FRMD4B: variants seen among roughly 807,000 people sequenced by gnomAD.
The protein encoded by FRMD4B is FERM domain containing 4B, also known as FERM domain-containing protein 4B.
In FRMD4B, 74 loss-of-function variants were observed where a neutral mutation model predicts 141.5. That is an observed-to-expected ratio of 0.52 (90% CI 0.43 to 0.63). The LOEUF is 0.63. Ranked by LOEUF, FRMD4B falls within the 30% of genes least tolerant of loss-of-function variation. The probability of loss-of-function intolerance (pLI) is 0.00; values close to 1 mark genes in which losing one functional copy is unlikely to be tolerated. For synonymous variants in FRMD4B, 506 were observed against 467.9 expected (o/e 1.08, Z -1.05); for missense variants, 1,366 against 1,253.4 (o/e 1.09, Z -1.36).
chr3:69,322,849 C>T (rs555408325), intron 1 of FRMD4B: 117 of 161,302 alleles, frequency 7.3e-4, no homozygotes, highest in Non-Finnish European at 1.1e-3. Flanking sequence ...TTTTTTCCCA[C>T]GTTGGCCTCT....
intron 12 of FRMD4B, 50 bp from the exon 13 acceptor site, chr3:69,197,088 A>T (rs201085646): frequency 2.0e-6 from 3 of 1,500,826 alleles, no homozygotes; most frequent in African/African-American, 1.4e-5. Context: ...GCCCAGCATG[A>T]TGCAAAATGT....
At chr3:69,338,713 A>C (rs1702637485) in intron 1 of FRMD4B, among the ~76,000 whole-genome samples, 1 of 152,176 alleles carries the variant, frequency 6.6e-6, no homozygotes, top group South Asian at 2.1e-4. Flanking sequence ...GGTGAGGATC[A>C]AAAATCTACC....
chr3:69,278,019 C>A (rs897178499), intron 5 of FRMD4B, among the ~76,000 whole-genome samples: 2 of 151,556 alleles, frequency 1.3e-5, no homozygotes, highest in African/African-American at 4.9e-5. Flanking sequence ...CCTTGCCTGG[C>A]TAATTTTTGT....
intron 2 of FRMD4B, among the ~76,000 whole-genome samples, chr3:69,393,213 G>A (rs775742984): frequency 2.0e-5 from 3 of 152,160 alleles, no homozygotes; most frequent in African/African-American, 4.8e-5. Flanking sequence ...GGGTGTAGGA[G>A]GGGGAAGTAA....
chr3:69,240,482 C>CAAA (rs11344881), intron 7 of FRMD4B, among the ~76,000 whole-genome samples: 14 of 72,422 alleles, frequency 1.9e-4, no homozygotes, highest in Non-Finnish European at 2.2e-4. Flanking sequence ...GACTCTGTCT[C>CAAA]AAAAAAAAAA....
intron 1 of FRMD4B, among the ~76,000 whole-genome samples, chr3:69,347,705 A>C (rs966270183): frequency 6.6e-6 from 1 of 152,242 alleles, no homozygotes; most frequent in African/African-American, 2.4e-5. Flanking sequence ...ACTATATGGA[A>C]ACTGAACAAC....
At chr3:69,480,000 T>G (rs9848296) in intron 1 of FRMD4B, among the ~76,000 whole-genome samples, 1 of 152,002 alleles carries the variant, frequency 6.6e-6, no homozygotes, top group Non-Finnish European at 1.5e-5. Flanking sequence ...TGATTGCATC[T>G]GCTCCTGAGG....
chr3:69,452,794 C>T (rs1705521671), intron 1 of FRMD4B, among the ~76,000 whole-genome samples: 1 of 152,276 alleles, frequency 6.6e-6, no homozygotes, highest in South Asian at 2.1e-4. Flanking sequence ...AGAAACATAA[C>T]GTGGGTCACA....
chr3:69,409,604 A>C (rs1487263004), intron 2 of FRMD4B, among the ~76,000 whole-genome samples: 1 of 152,160 alleles, frequency 6.6e-6, no homozygotes, highest in Non-Finnish European at 1.5e-5. Flanking sequence ...CACACAACCC[A>C]GGTGCTAACC....
chr3:69,407,975 C>T (rs1704678043), intron 2 of FRMD4B, among the ~76,000 whole-genome samples: 1 of 152,098 alleles, frequency 6.6e-6, no homozygotes, highest in Non-Finnish European at 1.5e-5. Context: ...CGTTTACTGA[C>T]CTAGGTCATC....
At chr3:69,234,340 A>G (rs1354173590) in intron 7 of FRMD4B, among the ~76,000 whole-genome samples, 2 of 152,058 alleles carry the variant, frequency 1.3e-5, no homozygotes, top group African/African-American at 2.4e-5. Context: ...TGGATCTTCT[A>G]TTGAAGGATG....
chr3:69,238,032 A>G (rs1385293229), intron 7 of FRMD4B, among the ~76,000 whole-genome samples: 1 of 152,162 alleles, frequency 6.6e-6, no homozygotes, highest in Non-Finnish European at 1.5e-5. Context: ...GCGCCCATCC[A>G]CTTTGGGCTC....
At chr3:69,268,553 T>C (rs929291828) in intron 5 of FRMD4B, among the ~76,000 whole-genome samples, 4 of 152,014 alleles carry the variant, frequency 2.6e-5, no homozygotes, top group African/African-American at 9.7e-5. Flanking sequence ...CAATTTGAAT[T>C]AGTAGCAGCA....
At chr3:69,460,934 C>G (rs1705697760) in intron 1 of FRMD4B, among the ~76,000 whole-genome samples, 1 of 152,218 alleles carries the variant, frequency 6.6e-6, no homozygotes, top group Non-Finnish European at 1.5e-5. Flanking sequence ...TTCTTATTTT[C>G]ACCATGAGAA....
At chr3:69,208,260 C>T (rs2093043064) in intron 11 of FRMD4B, among the ~76,000 whole-genome samples, 1 of 152,122 alleles carries the variant, frequency 6.6e-6, no homozygotes, top group African/African-American at 2.4e-5. Flanking sequence ...GACGGGGTTT[C>T]ACCATGTTGG....
intron 1 of FRMD4B, among the ~76,000 whole-genome samples, chr3:69,365,740 C>T (rs1017223018): frequency 6.6e-6 from 1 of 152,070 alleles, no homozygotes; most frequent in Non-Finnish European, 1.5e-5. Context: ...TCAAGTGATA[C>T]ACCCGCCTCG....
chr3:69,180,614 C>CAA (rs147580742), intron 21 of FRMD4B, among the ~76,000 whole-genome samples: 6 of 150,634 alleles, frequency 4.0e-5, no homozygotes, highest in South Asian at 2.1e-4. Flanking sequence ...AAACAAAAAA[C>CAA]AAAAAAAAAC....
At chr3:69,270,430 G>A (rs573650482) in intron 5 of FRMD4B, among the ~76,000 whole-genome samples, 6 of 152,330 alleles carry the variant, frequency 3.9e-5, no homozygotes, top group African/African-American at 7.2e-5. Flanking sequence ...AGATGTACAG[G>A]TAAATAGGTA....
chr3:69,193,610 T>C (rs2107642729), intron 17 of FRMD4B, 38 bp downstream of exon 17: 5 of 1,037,366 alleles, frequency 4.8e-6, no homozygotes, highest in Non-Finnish European at 6.9e-6. Flanking sequence ...AAGTACTGAG[T>C]AGGGGACTCA....
Sources: allele counts gnomAD v4.1 joint callset (sites outside exome capture counted in the v4.1 genomes callset), GRCh38; gene constraint gnomAD v4.1.1; transcripts MANE v1.5; gene names NCBI Gene and HGNC (gene_info 2026-07-23, HGNC 2026-07-21).